MACROD2: variants seen among roughly 807,000 people sequenced by gnomAD.
MACROD2 encodes mono-ADP ribosylhydrolase 2, also known as ADP-ribose glycohydrolase MACROD2.
A neutral mutation model predicts 70.4 loss-of-function variants in MACROD2; 36 were observed. The ratio of observed to expected loss-of-function variants is 0.51; its 90% CI spans 0.39 to 0.68. The LOEUF is 0.68. Ranked by LOEUF, MACROD2 falls within the 30% of genes least tolerant of loss-of-function variation. The probability of loss-of-function intolerance (pLI) is 0.00; values close to 1 mark genes in which losing one functional copy is unlikely to be tolerated. For missense variants in MACROD2, 496 were observed against 538.4 expected, an observed-to-expected ratio of 0.92 and a Z score of 0.78; for synonymous variants, 172 against 178.8, an observed-to-expected ratio of 0.96 and a Z score of 0.30.
chr20:14,298,266 T>C (rs1221646858), intron 3 of MACROD2, among the ~76,000 whole-genome samples: 1 of 151,788 alleles, frequency 6.6e-6, no homozygotes, highest in Non-Finnish European at 1.5e-5. Flanking sequence ...AGTCTTCGTA[T>C]ATAAGAAGTG....
intron 4 of MACROD2, among the ~76,000 whole-genome samples, chr20:14,516,110 A>G (rs1195758560): frequency 6.6e-6 from 1 of 150,882 alleles, no homozygotes; most frequent in African/African-American, 2.4e-5. Context: ...ATTTACCTAG[A>G]GAGCAAAATG....
At chr20:15,704,794 A>T (rs930982411) in intron 8 of MACROD2, among the ~76,000 whole-genome samples, 2 of 152,264 alleles carry the variant, frequency 1.3e-5, no homozygotes, top group Non-Finnish European at 2.9e-5. Context: ...GTGTTCAATC[A>T]GTAGTACTGG....
intron 3 of MACROD2, among the ~76,000 whole-genome samples, chr20:14,161,730 C>A (rs1384167636): frequency 6.6e-6 from 1 of 152,054 alleles, no homozygotes; most frequent in Admixed American, 6.5e-5. Flanking sequence ...GTACGCGCCA[C>A]CACACCACCA....
chr20:15,080,115 CAAATAAATAAAT>C lies in MACROD2; in HGVS notation c.419-149790_419-149779del, dbSNP rs11467492. Among the ~76,000 whole-genome samples, 180 of 143,358 alleles carry C rather than the reference CAAATAAATAAAT, an allele frequency of 1.3e-3. 1 individual carries two copies. The highest frequency in any genetic ancestry group is 0.011 in the South Asian group (48 of 4,368). 94.0% of individuals were successfully genotyped at this position (143,358 alleles called of 152,430 possible). The stretch of plus-strand genomic sequence containing the variant: ...CCTTCCATCTTCAAAACAGAACAGC[CAAATAAATAAAT>C]AAATAAATAAATAAATAAATAAATA... On this transcript the variant is annotated intron_variant, in intron 5 of 17. Coordinates refer to ENST00000684519, the MANE Select transcript of MACROD2 (RefSeq NM_001351661.2).
intron 4 of MACROD2, among the ~76,000 whole-genome samples, chr20:14,498,545 T>G (rs1277288979): frequency 6.6e-6 from 1 of 152,228 alleles, no homozygotes; most frequent in Non-Finnish European, 1.5e-5. Context: ...CAATTATAGT[T>G]GTCTACATTC....
chr20:14,800,624 C>T (rs1391240928), intron 5 of MACROD2, among the ~76,000 whole-genome samples: 2 of 152,036 alleles, frequency 1.3e-5, no homozygotes, highest in Admixed American at 1.3e-4. Context: ...GAAATTCCAC[C>T]AATTAGGGGA....
intron 5 of MACROD2, among the ~76,000 whole-genome samples, chr20:14,841,863 G>T (rs549415933): frequency 1.3e-5 from 2 of 151,898 alleles, no homozygotes; most frequent in East Asian, 3.9e-4. Context: ...TTTATTTTGG[G>T]TACTATAGAG....
chr20:15,927,422 T>C lies in MACROD2; in HGVS notation c.776-5854T>C, dbSNP rs2065507586. Among the ~76,000 whole-genome samples, 3 of 152,294 alleles carry C rather than the reference T, an allele frequency of 2.0e-5. No individual in the cohort carries two copies. The South Asian group carries it at 6.2e-4, about 32-fold the overall frequency. On this transcript the variant is annotated intron_variant, in intron 10 of 17. Transcript: ENST00000684519. Reference sequence around the variant, plus strand: ...GGCAAGAAAGAGAGACTCCAGGATTTGGCATGATCTGGACCTGTGTTTAAG... The same window carrying C: ...GGCAAGAAAGAGAGACTCCAGGATTCGGCATGATCTGGACCTGTGTTTAAG...
At chr20:14,514,414 C>T (rs74875987) in intron 4 of MACROD2, among the ~76,000 whole-genome samples, 97 of 152,216 alleles carry the variant, frequency 6.4e-4, no homozygotes, top group African/African-American at 2.3e-3. Context: ...CTTTCCCTGT[C>T]AGCTGACTGG....
chr20:15,765,521 C>G (rs140303549), intron 8 of MACROD2, among the ~76,000 whole-genome samples: 3 of 152,232 alleles, frequency 2.0e-5, no homozygotes, highest in Non-Finnish European at 4.4e-5. Flanking sequence ...ATGGCACAAG[C>G]AAACTGAAAT....
At chr20:14,152,043 G>C (rs1042643280) in intron 3 of MACROD2, among the ~76,000 whole-genome samples, 2 of 151,372 alleles carry the variant, frequency 1.3e-5, no homozygotes, top group South Asian at 4.2e-4. Context: ...GGATGGTCTC[G>C]ATCTCCTGAC....
chr20:15,138,857 A>G lies in MACROD2; in HGVS notation c.419-91083A>G, dbSNP rs187467140. The stretch of plus-strand genomic sequence containing the variant: ...CAGTTTCTATCACACTTGAACTTCA[A>G]TTACCTGGAATATTTTCATTTGTTT... On this transcript the variant is annotated intron_variant, in intron 5 of 17. Transcript: ENST00000684519. 5.9e-5 allele frequency among the ~76,000 whole-genome samples: 9 copies of G among 152,302 alleles called. No individual in the cohort carries two copies. The East Asian group carries it at 7.7e-4, about 13-fold the overall frequency.
At chr20:15,422,621 G>A (rs770083882) in intron 6 of MACROD2, among the ~76,000 whole-genome samples, 59 of 152,222 alleles carry the variant, frequency 3.9e-4, no homozygotes, top group African/African-American at 1.3e-3. Flanking sequence ...AGCACATTTC[G>A]GTAATTCAAG....
intron 8 of MACROD2, among the ~76,000 whole-genome samples, chr20:15,531,122 G>T (rs2047794067): frequency 6.6e-6 from 1 of 151,214 alleles, no homozygotes. Flanking sequence ...AGAGGCAAGA[G>T]ATGTTAAAAT....
At chr20:14,084,493 A>C (rs1206642244) in intron 2 of MACROD2, among the ~76,000 whole-genome samples, 1 of 152,212 alleles carries the variant, frequency 6.6e-6, no homozygotes, top group Non-Finnish European at 1.5e-5. Flanking sequence ...GTATATTAAA[A>C]ACCTTTTTAT....
At chr20:15,570,437 A>G (rs1434008766) in intron 8 of MACROD2, among the ~76,000 whole-genome samples, 1 of 152,220 alleles carries the variant, frequency 6.6e-6, no homozygotes, top group Non-Finnish European at 1.5e-5. Flanking sequence ...GACGGAGAAT[A>G]GAATGACTAC....
chr20:15,987,142 A>G lies in MACROD2; in HGVS notation c.1137A>G (p.Glu379=). The change falls in exon 15 of 18, where the codon GAA becomes GAG. Residue 379 remains glutamate (E), a synonymous_variant. Coordinates refer to ENST00000684519, the MANE Select transcript of MACROD2 (RefSeq NM_001351661.2). ...TTCCATTAACAGAGGACCAAGAAGA[A>G]AAAGAAGGTGAAAAAGGTAGGACTG... ...EVIPLTEDQE[E]KEGEKAPGED... is the part of the protein sequence containing the mutation. 1 of 1,610,718 alleles carries G rather than the reference A, an allele frequency of 6.2e-7. No homozygotes were observed. The highest frequency in any genetic ancestry group is 8.5e-7 in the Non-Finnish European group (1 of 1,179,242).
intron 3 of MACROD2, among the ~76,000 whole-genome samples, chr20:14,333,245 C>T (rs892071584): frequency 6.6e-6 from 1 of 152,054 alleles, no homozygotes; most frequent in Non-Finnish European, 1.5e-5. Context: ...ATAAAATTTC[C>T]AATGCTAAGT....
chr20:15,468,420 A>G (rs2046923131), intron 7 of MACROD2, among the ~76,000 whole-genome samples: 1 of 152,156 alleles, frequency 6.6e-6, no homozygotes, highest in Non-Finnish European at 1.5e-5. Flanking sequence ...TCCATTCCTC[A>G]TGCTCTGATG....
Sources: gnomAD v4.1 joint callset for allele counts (sites outside exome capture counted in the v4.1 genomes callset) on GRCh38, gnomAD v4.1.1 for gene constraint, MANE v1.5 for transcripts, NCBI Gene and HGNC (gene_info 2026-07-23, HGNC 2026-07-21) for gene names.